Variants in SUN1 observed in about 807,000 individuals in gnomAD.
SUN1 encodes SUN domain-containing protein 1.
Under a neutral mutation model 103.2 loss-of-function variants are expected in SUN1, and 61 were observed. The observed-to-expected ratio is 0.59, with a 90% CI of 0.48 to 0.73. The LOEUF is 0.73. Ranked by LOEUF, SUN1 falls within the 30% of genes least tolerant of loss-of-function variation. The pLI, the probability that SUN1 is intolerant of heterozygous loss-of-function variation, is 0.00. For missense variants in SUN1, 1,052 were observed against 1,034.6 expected, an observed-to-expected ratio of 1.02 and a Z score of -0.23; for synonymous variants, 490 against 425.7, an observed-to-expected ratio of 1.15 and a Z score of -1.86.
At chr7:849,991 C>T in intron 5 of SUN1, 2 of 1,601,398 alleles carry the variant, frequency 1.2e-6, no homozygotes, top group East Asian at 2.2e-5. Flanking sequence ...GCCACGGCTG[C>T]CCGGTCGGGC....
chr7:859,020 G>C (rs747869450), intron 13 of SUN1, among the ~76,000 whole-genome samples: 1 of 152,126 alleles, frequency 6.6e-6, no homozygotes, highest in Non-Finnish European at 1.5e-5. Context: ...GGGTGTGGTG[G>C]TGGGTGCCTG....
At position 843,188 on chromosome 7, in the gene SUN1, G is replaced by A. The variant is rs1237246077; in HGVS notation, c.452-18G>A. ...CTCAACAGCAAAAATGTGTGTGTGTGTGTGTTTTTTTTTTTAGGTCTTGAT... is the reference window on the plus strand; with the variant it reads ...CTCAACAGCAAAAATGTGTGTGTGTATGTGTTTTTTTTTTTAGGTCTTGAT... On this transcript the variant is annotated intron_variant, in intron 3 of 18. Transcript: ENST00000401592. 7.6e-6 allele frequency: 12 copies of A among 1,581,702 alleles called. No homozygotes were observed. Among genetic ancestry groups the A allele is most frequent in the Non-Finnish European group, 1.0e-5 (12 of 1,171,130 alleles).
chr7:836,240 G>T (rs150119018), intron 1 of SUN1, among the ~76,000 whole-genome samples: 261 of 152,322 alleles, frequency 1.7e-3, no homozygotes, highest in Admixed American at 3.1e-3. Context: ...CTCCTGCAGA[G>T]AGAGAGGAGG....
intron 1 of SUN1, chr7:817,151 G>T (rs1033383688): frequency 6.7e-6 from 3 of 450,232 alleles, no homozygotes; most frequent in Non-Finnish European, 1.2e-5. Context: ...TAAGAGGGGG[G>T]GTCTCGCTGT....
chr7:815,918 G>A (rs1228267389), upstream of SUN1: 4 of 221,694 alleles, frequency 1.8e-5, no homozygotes, highest in African/African-American at 7.2e-5. Context: ...GGCCAAGGAG[G>A]CACTGGCCGA....
At chr7:836,278 A>C (rs1803089517) in intron 1 of SUN1, among the ~76,000 whole-genome samples, 3 of 152,208 alleles carry the variant, frequency 2.0e-5, no homozygotes, top group Admixed American at 2.0e-4. Flanking sequence ...CAGAGCACGC[A>C]GGCTTGGCTC....
Position 872,587 on chromosome 7 carries a change from T to C in SUN1, c.2241+25T>C. ...GGTAAGAACTGGGACTGGCACTGCC[T>C]GGGGTCTCTGAGTCCCACAACTTCT... On this transcript the variant is annotated intron_variant, in intron 18 of 18. Coordinates refer to ENST00000401592, the MANE Select transcript of SUN1 (RefSeq NM_001130965.3). The C allele has an allele frequency of 2.6e-6, 4 of 1,548,370 alleles. No individual in the cohort carries two copies. In the South Asian group the frequency reaches 4.7e-5, roughly 18 times the overall value.
chr7:815,877 G>C (rs917526570), upstream of SUN1: 3 of 227,514 alleles, frequency 1.3e-5, no homozygotes, highest in African/African-American at 7.2e-5. Flanking sequence ...TTGGGGTGGG[G>C]GCGGCGGCCA....
intron 5 of SUN1, among the ~76,000 whole-genome samples, chr7:847,874 G>T (rs111405035): frequency 0.13 from 17,327 of 137,540 alleles, 1,529 homozygotes; most frequent in African/African-American, 0.14. Context: ...CTTCCCCTGG[G>T]GGTTACCCCG....
chr7:866,755 G>A (rs1231583490), intron 16 of SUN1, among the ~76,000 whole-genome samples: 2 of 28,414 alleles, frequency 7.0e-5, no homozygotes, highest in East Asian at 1.3e-3. Context: ...CACCCCCACC[G>A]TCTCCCTGGG....
At chr7:856,505 C>G in intron 12 of SUN1, 104 bp downstream of exon 12, 2 of 1,322,776 alleles carry the variant, frequency 1.5e-6, no homozygotes, top group Non-Finnish European at 2.2e-6. Flanking sequence ...CGGCCTCCCC[C>G]GAGGGTCACC....
chr7:817,316 T>C lies in SUN1; in HGVS notation c.-74+643T>C, dbSNP rs1056967791. On this transcript the variant is annotated intron_variant, in intron 1 of 17. Transcript: ENST00000389574. ...CTCCATGCTGCCCAGGTCGGACTCC[T>C]AGGCTCAAGCGATCCCCTCGCCCCA... 5 of 1,089,470 alleles carry C rather than the reference T, an allele frequency of 4.6e-6. No individual in the cohort carries two copies. In the Admixed American group the frequency reaches 8.0e-5, roughly 17 times the overall value. The allele number at this position is 1,089,470 out of a possible 1,614,324, so 67.5% of individuals were successfully genotyped here.
At chr7:845,817 T>C (rs1815011337) in intron 5 of SUN1, among the ~76,000 whole-genome samples, 1 of 152,182 alleles carries the variant, frequency 6.6e-6, no homozygotes, top group African/African-American at 2.4e-5. Context: ...TGGGAATTCT[T>C]ACGCTTTTTA....
At position 850,254 on chromosome 7, in the gene SUN1, A is replaced by G. The variant is rs1044462752; in HGVS notation, c.659-1130A>G. The G allele has an allele frequency of 2.7e-5, 14 of 525,606 alleles. No homozygotes were observed. The Admixed American group carries it at 4.7e-4, about 18-fold the overall frequency. The allele number at this position is 525,606 out of a possible 1,614,324, so 32.6% of individuals were successfully genotyped here. A position where few individuals can be genotyped will look rare whatever the true frequency, so the allele number is the denominator to read the frequency against. ...CACTCTGTTGCCCAGGCTGGAGTGCAGTGGTGCAATCTTGGCTCACTGCAG... is the reference window on the plus strand; with the variant it reads ...CACTCTGTTGCCCAGGCTGGAGTGCGGTGGTGCAATCTTGGCTCACTGCAG... On this transcript the variant is annotated intron_variant, in intron 5 of 18. Coordinates refer to ENST00000401592, the MANE Select transcript of SUN1 (RefSeq NM_001130965.3).
At chr7:817,614 A>G (rs1483857486) in intron 1 of SUN1, 3 of 1,261,786 alleles carry the variant, frequency 2.4e-6, no homozygotes, top group Non-Finnish European at 2.2e-6. Flanking sequence ...CTTCAGTCAT[A>G]GTATTGCCCA....
At chr7:846,444 G>A (rs1327950968) in intron 5 of SUN1, among the ~76,000 whole-genome samples, 3 of 151,950 alleles carry the variant, frequency 2.0e-5, no homozygotes, top group African/African-American at 4.8e-5. Context: ...GAGGTGGCAC[G>A]TACCTGTAGT....
At chr7:825,532 G>A (rs149392500) in intron 1 of SUN1, among the ~76,000 whole-genome samples, 1,826 of 152,306 alleles carry the variant, frequency 0.012, 51 homozygotes, top group African/African-American at 0.042. Context: ...GTGTATGCGT[G>A]TATAAAATAT....
Position 843,423 on chromosome 7 carries a change from C to G in SUN1, c.561C>G (p.Asn187Lys). The change falls in exon 5 of 19, where the codon AAC (asparagine) becomes AAG (lysine). Residue 187 changes from asparagine (N) to lysine (K), a missense_variant. By Grantham distance (94) the Asn-to-Lys change is moderately conservative (BLOSUM62 0). Transcript: ENST00000401592. Reference protein sequence around the residue: ...ATAHNGFSCSNCSMLSERKDV... With the variant: ...ATAHNGFSCSKCSMLSERKDV... The stretch of plus-strand genomic sequence containing the variant: ...CGCACAACGGCTTCTCCTGCAGCAA[C>G]TGCAGCATGCTGTCCGAGCGCAAGG... 6.2e-7 allele frequency: 1 copy of G among 1,613,956 alleles called. No homozygotes were observed. Among genetic ancestry groups the G allele is most frequent in the South Asian group, 1.1e-5 (1 of 91,062 alleles).
At chr7:828,681 G>A (rs1795163495), upstream of SUN1, among the ~76,000 whole-genome samples, 1 of 152,170 alleles carries the variant, frequency 6.6e-6, no homozygotes, top group Admixed American at 6.5e-5. Context: ...AAGCTCTCTT[G>A]GCCACCAGCA....
Sources: gnomAD v4.1 joint callset for allele counts (sites outside exome capture counted in the v4.1 genomes callset) on GRCh38, gnomAD v4.1.1 for gene constraint, MANE v1.5 for transcripts, NCBI Gene and HGNC (gene_info 2026-07-23, HGNC 2026-07-21) for gene names.